The following LIMCH1 variants were observed in gnomAD, a reference collection of about 807,000 sequenced individuals.
LIMCH1 encodes the protein LIM and calponin homology domains 1, also known as LIM and calponin homology domains-containing protein 1.
In LIMCH1, 113 loss-of-function variants were observed where a neutral mutation model predicts 176.5. The observed-to-expected ratio is 0.64, with a 90% CI of 0.55 to 0.75. The LOEUF is 0.75. LIMCH1 is among the 30% of genes least tolerant of loss of function. The probability of loss-of-function intolerance (pLI) is 0.00; values close to 1 mark genes in which losing one functional copy is unlikely to be tolerated. For missense variants in LIMCH1, 1,674 were observed against 1,814.9 expected, an observed-to-expected ratio of 0.92 and a Z score of 1.41; for synonymous variants, 619 against 645.9, an observed-to-expected ratio of 0.96 and a Z score of 0.63.
Position 41,682,325 on chromosome 4 carries a change from C to T in LIMCH1, c.3718-8C>T. On this transcript the variant is annotated splice_region_variant and splice_polypyrimidine_tract_variant and intron_variant, in intron 25 of 31. Transcript: ENST00000503057. ...TATACTTAAGATTTTCATTGTTTTTCTCCTTAGAATAAGATAGACCTGGGA... is the reference window on the plus strand; with the variant it reads ...TATACTTAAGATTTTCATTGTTTTTTTCCTTAGAATAAGATAGACCTGGGA... 6.2e-7 allele frequency: 1 copy of T among 1,601,952 alleles called. No homozygotes were observed. Among genetic ancestry groups the T allele is most frequent in the Non-Finnish European group, 8.5e-7 (1 of 1,172,336 alleles).
Position 41,650,428 on chromosome 4 carries a change from T to G in LIMCH1, c.2856T>G (p.Val952=), listed in dbSNP as rs748444231. 2 of 1,613,998 alleles carry G rather than the reference T, an allele frequency of 1.2e-6. No individual in the cohort carries two copies. Among genetic ancestry groups the G allele is most frequent in the Non-Finnish European group, 8.5e-7 (1 of 1,180,002 alleles). The change falls in exon 18 of 32, where the codon GTT becomes GTG. Residue 952 remains valine, a synonymous_variant. Transcript: ENST00000503057. ...DGKVSVNGET[V]HREEEKEREC... ...AAGTCAGTGTGAATGGAGAGACGGT[T>G]CATAGAGAGGAGGAGAAGGAAAGAG...
chr4:41,671,706 T>A, intron 22 of LIMCH1, 112 bp downstream of exon 22: 1 of 774,562 alleles, frequency 1.3e-6, no homozygotes, highest in Non-Finnish European at 2.2e-6. Context: ...CTCACGCCTG[T>A]AATCCCAACA....
chr4:41,561,303 TC>T (rs2082034133), intron 1 of LIMCH1, among the ~76,000 whole-genome samples: 1 of 152,210 alleles, frequency 6.6e-6, no homozygotes, highest in South Asian at 2.1e-4. Context: ...TGTATTTTTT[TC>T]CCCCTCCAGA....
intron 10 of LIMCH1, 48 bp downstream of exon 10, chr4:41,631,525 C>A (rs893325140): frequency 3.5e-6 from 5 of 1,414,262 alleles, no homozygotes; most frequent in Non-Finnish European, 4.7e-6. Flanking sequence ...GGAGTCACTG[C>A]TGCTTTTGTA....
intron 1 of LIMCH1, among the ~76,000 whole-genome samples, chr4:41,443,034 T>C (rs2154142303): frequency 6.6e-6 from 1 of 152,336 alleles, no homozygotes; most frequent in South Asian, 2.1e-4. Flanking sequence ...GGAAAGGTCC[T>C]ATCATTTTTC....
upstream of LIMCH1, among the ~76,000 whole-genome samples, chr4:41,536,280 G>T (rs979901602): frequency 6.6e-6 from 1 of 152,078 alleles, no homozygotes; most frequent in African/African-American, 2.4e-5. Flanking sequence ...CTCTTAAAAC[G>T]TGCCTTCCTC....
intron 1 of LIMCH1, among the ~76,000 whole-genome samples, chr4:41,448,589 A>G (rs2063516445): frequency 6.6e-6 from 1 of 152,118 alleles, no homozygotes; most frequent in African/African-American, 2.4e-5. Flanking sequence ...AATAATTCAT[A>G]TAACACACAT....
chr4:41,391,919 T>A (rs915831620), intron 1 of LIMCH1, among the ~76,000 whole-genome samples: 11 of 152,220 alleles, frequency 7.2e-5, no homozygotes. Flanking sequence ...GATAAGATGT[T>A]AATATTAGAG....
chr4:41,565,193 G>A lies in LIMCH1; in HGVS notation c.-241+26843G>A, dbSNP rs554214230. 4.6e-5 allele frequency among the ~76,000 whole-genome samples: 7 copies of A among 152,146 alleles called. No individual in the cohort carries two copies. In the South Asian group the frequency reaches 8.3e-4, roughly 18 times the overall value. ...AGTGCCTAGAAGCTCGTGGGATATT[G>A]GAGTGGTTTTCTTTTCTAGTTGTCA... On this transcript the variant is annotated intron_variant, in intron 1 of 31. Transcript: ENST00000503057.
At chr4:41,694,744 T>C (rs1211962952) in intron 31 of LIMCH1, among the ~76,000 whole-genome samples, 1 of 151,748 alleles carries the variant, frequency 6.6e-6, no homozygotes, top group Non-Finnish European at 1.5e-5. Flanking sequence ...TCAGAGCATC[T>C]CCATAGGATA....
At chr4:41,637,147 G>C (rs930918742) in intron 13 of LIMCH1, among the ~76,000 whole-genome samples, 5 of 151,696 alleles carry the variant, frequency 3.3e-5, no homozygotes, top group Non-Finnish European at 7.4e-5. Flanking sequence ...CACTTACCTA[G>C]TCTTCAGAAT....
chr4:41,494,873 G>T (rs1561543904), intron 2 of LIMCH1, among the ~76,000 whole-genome samples: 3 of 152,296 alleles, frequency 2.0e-5, no homozygotes, highest in East Asian at 3.9e-4. Context: ...CTTTCACTGT[G>T]CATCAATTTG....
At chr4:41,498,689 T>A (rs549106469) in intron 2 of LIMCH1, among the ~76,000 whole-genome samples, 9 of 152,340 alleles carry the variant, frequency 5.9e-5, no homozygotes, top group African/African-American at 1.9e-4. Context: ...AGAGAGTTAG[T>A]CTTTAAAGAA....
chr4:41,590,701 C>T (rs1012763208), intron 1 of LIMCH1, among the ~76,000 whole-genome samples: 2 of 152,230 alleles, frequency 1.3e-5, no homozygotes, highest in Admixed American at 6.5e-5. Context: ...CTGCCACCTT[C>T]TGGGTCAAAC....
intron 1 of LIMCH1, among the ~76,000 whole-genome samples, chr4:41,552,831 G>A (rs947546104): frequency 1.3e-5 from 2 of 152,082 alleles, no homozygotes; most frequent in Non-Finnish European, 2.9e-5. Context: ...TCAGAAGTAA[G>A]ACAGACTTTA....
At chr4:41,436,094 A>G (rs1439573103) in intron 1 of LIMCH1, among the ~76,000 whole-genome samples, 1 of 152,234 alleles carries the variant, frequency 6.6e-6, no homozygotes, top group East Asian at 1.9e-4. Flanking sequence ...TCATAGAGCC[A>G]TAAGAAAATC....
chr4:41,689,319 A>G (rs1457112425), intron 29 of LIMCH1, among the ~76,000 whole-genome samples: 1 of 152,172 alleles, frequency 6.6e-6, no homozygotes, highest in Non-Finnish European at 1.5e-5. Flanking sequence ...CACAGTGGAG[A>G]CCCAGTATAT....
chr4:41,624,517 C>T (rs976528369), intron 7 of LIMCH1, among the ~76,000 whole-genome samples: 6 of 149,516 alleles, frequency 4.0e-5, no homozygotes, highest in Admixed American at 6.7e-5. Context: ...TGTATTAGGG[C>T]GGTGCACAAG....
intron 1 of LIMCH1, among the ~76,000 whole-genome samples, chr4:41,574,224 T>C (rs1021704095): frequency 3.3e-5 from 4 of 120,894 alleles, no homozygotes; most frequent in Non-Finnish European, 4.9e-5. Flanking sequence ...ACTTATATCC[T>C]TGAAGATCCC....
Sources: gnomAD v4.1 joint callset for allele counts (sites outside exome capture counted in the v4.1 genomes callset) on GRCh38, gnomAD v4.1.1 for gene constraint, MANE v1.5 for transcripts, NCBI Gene and HGNC (gene_info 2026-07-23, HGNC 2026-07-21) for gene names.